ABCB1: variants seen among roughly 807,000 people sequenced by gnomAD.
The protein encoded by ABCB1 is ATP binding cassette subfamily B member 1.
In ABCB1, 69 loss-of-function variants were observed where a neutral mutation model predicts 142.0. The ratio of observed to expected loss-of-function variants is 0.49; its 90% confidence interval spans 0.40 to 0.59. ABCB1 has a LOEUF of 0.59. Among genes scored for constraint, ABCB1 ranks in the 20% least tolerant of loss-of-function variants. The pLI, the probability that ABCB1 is intolerant of heterozygous loss-of-function variation, is 0.00. For synonymous variants in ABCB1, 532 were observed against 539.2 expected, an observed-to-expected ratio of 0.99 and a Z score of 0.18; for missense variants, 1,326 against 1,554.7, an observed-to-expected ratio of 0.85 and a Z score of 2.47.
intron 25 of ABCB1, among the ~76,000 whole-genome samples, chr7:87,510,747 G>A (rs1250176034): frequency 1.3e-5 from 2 of 152,140 alleles, no homozygotes; most frequent in African/African-American, 4.8e-5. Context: ...TGCAGGGATG[G>A]AAGCTCTCCC....
intron 20 of ABCB1, among the ~76,000 whole-genome samples, chr7:87,534,939 A>C (rs1816219721): frequency 7.2e-6 from 1 of 138,150 alleles, no homozygotes; most frequent in South Asian, 2.2e-4. Flanking sequence ...AAAAAAAAAA[A>C]ACTCCATTTT....
At chr7:87,624,886 C>T (rs1262348567) in intron 1 of ABCB1, among the ~76,000 whole-genome samples, 1 of 152,144 alleles carries the variant, frequency 6.6e-6, no homozygotes, top group Non-Finnish European at 1.5e-5. Flanking sequence ...AAAAGAAAAA[C>T]ACAGCTTGTT....
At chr7:87,567,722 G>A (rs946720442) in intron 5 of ABCB1, among the ~76,000 whole-genome samples, 1 of 152,110 alleles carries the variant, frequency 6.6e-6, no homozygotes, top group African/African-American at 2.4e-5. Context: ...AAAAACACGA[G>A]TATTGTCTTA....
chr7:87,670,619 G>T (rs145683270), intron 1 of ABCB1, among the ~76,000 whole-genome samples: 422 of 152,276 alleles, frequency 2.8e-3, no homozygotes, highest in Non-Finnish European at 4.7e-3. Context: ...TCCTTTATCT[G>T]CATTGTAGAT....
At chr7:87,525,964 G>A (rs1367078972) in intron 21 of ABCB1, among the ~76,000 whole-genome samples, 1 of 152,192 alleles carries the variant, frequency 6.6e-6, no homozygotes, top group African/African-American at 2.4e-5. Flanking sequence ...AAGCAGTCCT[G>A]AATAACCGAA....
chr7:87,594,473 A>G (rs1819115719), intron 3 of ABCB1, among the ~76,000 whole-genome samples: 1 of 152,162 alleles, frequency 6.6e-6, no homozygotes, highest in Non-Finnish European at 1.5e-5. Flanking sequence ...GGTCTGTTAA[A>G]TTTTCTAAAA....
At chr7:87,526,867 T>C (rs932861108) in intron 21 of ABCB1, among the ~76,000 whole-genome samples, 21 of 152,308 alleles carry the variant, frequency 1.4e-4, no homozygotes, top group African/African-American at 5.0e-4. Context: ...AGCATATCTA[T>C]AGATATGGAC....
chr7:87,679,187 G>A (rs1406337698), intron 1 of ABCB1, among the ~76,000 whole-genome samples: 2 of 146,780 alleles, frequency 1.4e-5, no homozygotes, highest in Non-Finnish European at 3.0e-5. Context: ...CCTCCTCCTG[G>A]GTTCACACCA....
At chr7:87,628,957 C>A in intron 1 of ABCB1, 1 of 1,308,616 alleles carries the variant, frequency 7.6e-7, no homozygotes. Flanking sequence ...TACGGCAGCG[C>A]AGGGCGAGGG....
At chr7:87,562,594 G>A (rs1817606829) in intron 7 of ABCB1, among the ~76,000 whole-genome samples, 1 of 152,118 alleles carries the variant, frequency 6.6e-6, no homozygotes, top group Admixed American at 6.5e-5. Flanking sequence ...AAAGTTAGGA[G>A]TGTTTAAAAA....
intron 23 of ABCB1, among the ~76,000 whole-genome samples, chr7:87,517,354 C>G (rs1280897810): frequency 2.0e-5 from 3 of 148,542 alleles, no homozygotes; most frequent in East Asian, 3.9e-4. Flanking sequence ...TGCATGTGTT[C>G]TCTCTCTCTT....
intron 13 of ABCB1, 121 bp from the exon 14 acceptor site, chr7:87,549,639 A>C: frequency 6.7e-7 from 1 of 1,499,166 alleles, no homozygotes; most frequent in Non-Finnish European, 9.2e-7. Context: ...CCAGTTCTTT[A>C]AATCTTATTT....
At chr7:87,689,649 T>G (rs138400428) in intron 1 of ABCB1, among the ~76,000 whole-genome samples, 1 of 152,296 alleles carries the variant, frequency 6.6e-6, no homozygotes, top group East Asian at 1.9e-4. Flanking sequence ...GGGGAAAGAT[T>G]ACACAATTTA....
In ABCB1 at chr7:87,571,176, A is replaced by G. The variant is rs567670692; in HGVS notation, c.287-953T>C. 3.2e-4 allele frequency among the ~76,000 whole-genome samples: 49 copies of G among 152,358 alleles called. No individual in the cohort carries two copies. The South Asian group carries it at 8.5e-3, about 26-fold the overall frequency. The stretch of plus-strand genomic sequence containing the variant: ...TGGTATGGAAAAGAGGGGAAAAACT[A>G]TTTCTAGCAAAGTGAACAATATGGA... On this transcript the variant is annotated intron_variant, in intron 4 of 27. Transcript: ENST00000622132.
At chr7:87,618,067 A>G (rs1820085738) in intron 1 of ABCB1, among the ~76,000 whole-genome samples, 1 of 152,110 alleles carries the variant, frequency 6.6e-6, no homozygotes, top group Non-Finnish European at 1.5e-5. Context: ...CCTTCATACC[A>G]GAATTCAGTC....
Position 87,600,874 on chromosome 7 carries a change from G to A in ABCB1, c.-126C>T, listed in dbSNP as rs1334714302. ...CTGCTTCTTTGAGCTTGGAAGAGCC[G>A]CTACTCGAATGAGCTCAGGCTTCCT... is the stretch of plus-strand genomic sequence containing the variant. On this transcript the variant is annotated 5_prime_UTR_variant, in exon 1 of 28. Transcript: ENST00000622132. 1 of 152,380 alleles carries A rather than the reference G, an allele frequency of 6.6e-6. No individual in the cohort carries two copies. The highest frequency in any genetic ancestry group is 1.5e-5 in the Non-Finnish European group (1 of 68,220). 9.4% of individuals were successfully genotyped at this position (152,380 alleles called of 1,614,324 possible). A position where few individuals can be genotyped will look rare whatever the true frequency, so the allele number is the denominator to read the frequency against.
intron 1 of ABCB1, among the ~76,000 whole-genome samples, chr7:87,668,005 G>A (rs183749981): frequency 6.6e-6 from 1 of 152,186 alleles, no homozygotes; most frequent in Admixed American, 6.6e-5. Context: ...CTTAGAGAAT[G>A]AGGTGGGGAG....
intron 4 of ABCB1, among the ~76,000 whole-genome samples, chr7:87,575,284 T>C (rs1263410850): frequency 6.6e-6 from 1 of 152,222 alleles, no homozygotes. Context: ...TGATGATGCA[T>C]TGATAATTCC....
intron 1 of ABCB1, among the ~76,000 whole-genome samples, chr7:87,693,609 CT>C (rs1828211683): frequency 6.6e-6 from 1 of 152,076 alleles, no homozygotes; most frequent in South Asian, 2.1e-4. Context: ...TTTATTACAT[CT>C]GAGAAAGAAT....
Sources: gnomAD v4.1 joint callset for allele counts (sites outside exome capture counted in the v4.1 genomes callset) on GRCh38, gnomAD v4.1.1 for gene constraint, MANE v1.5 for transcripts, NCBI Gene and HGNC (gene_info 2026-07-23, HGNC 2026-07-21) for gene names.